The following ITPRID1 variants were observed in gnomAD, a reference collection of about 807,000 sequenced individuals.
ITPRID1 encodes ITPR interacting domain containing 1.
A neutral mutation model predicts 95.4 loss-of-function variants in ITPRID1; 96 were observed. The ratio of observed to expected loss-of-function variants is 1.01; its 90% CI spans 0.85 to 1.19. The LOEUF (loss-of-function observed/expected upper bound fraction) is 1.19, where lower values mean the gene tolerates loss of function less well. Among genes scored for constraint, ITPRID1 ranks in the 50% most tolerant of loss-of-function variants. The pLI is 0.00. For missense variants in ITPRID1, 1,339 were observed against 1,252.9 expected (o/e 1.07, Z -1.04); for synonymous variants, 510 against 453.6 (o/e 1.12, Z -1.58).
In ITPRID1 at chr7:31,554,888, C is replaced by T. The variant is rs767572189; in HGVS notation, c.243C>T (p.Val81=). The change falls in exon 5 of 15, where the codon GTC becomes GTT. Residue 81 remains valine (V), a synonymous_variant. Transcript: ENST00000615280. ...FVSANENFQQ[V]IDRTVSLYEQ... Reference sequence around the variant, plus strand: ...CTGCAAATGAAAACTTTCAACAAGTCATTGACCGCACTGGTAAGACAAGAG... The same window carrying T: ...CTGCAAATGAAAACTTTCAACAAGTTATTGACCGCACTGGTAAGACAAGAG... 11 of 1,582,486 alleles carry T rather than the reference C, an allele frequency of 7.0e-6. No homozygotes were observed. Among genetic ancestry groups the T allele is most frequent in the Non-Finnish European group, 8.6e-6 (10 of 1,161,972 alleles).
intron 12 of ITPRID1, 107 bp from the exon 13 acceptor site, chr7:31,651,035 T>A: frequency 3.1e-6 from 4 of 1,281,760 alleles, no homozygotes; most frequent in Non-Finnish European, 4.3e-6. Flanking sequence ...CAGTAGGGCC[T>A]GTTTGCGAAA....
chr7:31,618,643 ATGTAGAAAC>A (rs377662976), intron 10 of ITPRID1, among the ~76,000 whole-genome samples: 6,341 of 152,252 alleles, frequency 0.042, 380 homozygotes, highest in African/African-American at 0.13. Context: ...TGGGGTCACA[ATGTAGAAAC>A]CCATAATTAT....
chr7:31,638,321 T>C (rs569153098), intron 10 of ITPRID1, among the ~76,000 whole-genome samples: 4 of 152,216 alleles, frequency 2.6e-5, no homozygotes, highest in Non-Finnish European at 5.9e-5. Context: ...ATAGTGAGTA[T>C]ACACTATTTC....
intron 10 of ITPRID1, among the ~76,000 whole-genome samples, chr7:31,614,500 G>T (rs1787026423): frequency 1.3e-5 from 2 of 152,124 alleles, no homozygotes. Context: ...ACAAAAGGCA[G>T]ATATGAGAGA....
chr7:31,538,612 T>A (rs1783834962), intron 1 of ITPRID1, among the ~76,000 whole-genome samples: 1 of 152,236 alleles, frequency 6.6e-6, no homozygotes, highest in Non-Finnish European at 1.5e-5. Flanking sequence ...GGCTAGTTAT[T>A]TTATAAAATG....
In ITPRID1 at chr7:31,652,000, G is replaced by A. The variant is rs1225039594; in HGVS notation, c.2773G>A (p.Glu925Lys). 42 of 1,606,100 alleles carry A rather than the reference G, an allele frequency of 2.6e-5. No individual in the cohort carries two copies. Among genetic ancestry groups the A allele is most frequent in the Non-Finnish European group, 3.6e-5 (42 of 1,176,592 alleles). ...CCTGAGGCAGCAGGTGGCAGAGTTG[G>A]AATTTCAGTTAGGAGACCGGGCTCA... ...EALRQQVAEL[E>K]FQLGDRAQQI... Residue 925 changes from glutamate (E) to lysine (K), a missense_variant, in exon 14 of 15, where the codon GAA (glutamate) becomes AAA (lysine). Transcript: ENST00000615280.
chr7:31,631,446 G>A (rs750974401), intron 10 of ITPRID1, among the ~76,000 whole-genome samples: 1 of 152,150 alleles, frequency 6.6e-6, no homozygotes, highest in Non-Finnish European at 1.5e-5. Context: ...AAAGATTTTA[G>A]TCATTTTCTT....
intron 8 of ITPRID1, among the ~76,000 whole-genome samples, chr7:31,577,310 G>C (rs185896726): frequency 6.6e-6 from 1 of 152,198 alleles, no homozygotes; most frequent in Non-Finnish European, 1.5e-5. Context: ...CTCTAGCACT[G>C]TGTAGCTCTT....
chr7:31,581,513 C>T (rs1188364640), intron 9 of ITPRID1, among the ~76,000 whole-genome samples: 2 of 152,094 alleles, frequency 1.3e-5, no homozygotes, highest in Non-Finnish European at 2.9e-5. Context: ...CTCCTGTTTG[C>T]ATATAAGCAT....
In ITPRID1 at chr7:31,655,641, GCAT is replaced by G; in HGVS notation, c.*2817_*2819del. The stretch of plus-strand genomic sequence containing the variant: ...TATGCGCCTCTCGTCGCCTCCCACT[GCAT>G]CATCCCTTTTTGCCACATCCCCATC... On this transcript the variant is annotated 3_prime_UTR_variant, in exon 15 of 15. Coordinates refer to ENST00000615280, the MANE Select transcript of ITPRID1 (RefSeq NM_001257967.3). The G allele has an allele frequency of 1.5e-6, 1 of 649,938 alleles. No individual in the cohort carries two copies. The highest frequency in any genetic ancestry group is 1.9e-6 in the Non-Finnish European group (1 of 523,232). 40.3% of individuals were successfully genotyped at this position (649,938 alleles called of 1,614,324 possible).
At chr7:31,615,898 G>C (rs2128168054) in intron 10 of ITPRID1, among the ~76,000 whole-genome samples, 1 of 151,794 alleles carries the variant, frequency 6.6e-6, no homozygotes, top group Non-Finnish European at 1.5e-5. Context: ...GGACTACAGG[G>C]GCCTGCCACC....
intron 1 of ITPRID1, among the ~76,000 whole-genome samples, chr7:31,531,615 C>T (rs1214642599): frequency 6.6e-6 from 1 of 152,122 alleles, no homozygotes; most frequent in African/African-American, 2.4e-5. Flanking sequence ...ATGTATTACT[C>T]ACAAGTCCCA....
chr7:31,621,966 T>G (rs576648727), intron 10 of ITPRID1, among the ~76,000 whole-genome samples: 1 of 146,714 alleles, frequency 6.8e-6, no homozygotes, highest in African/African-American at 2.5e-5. Context: ...TAGTCTCTGA[T>G]AAAACAGACT....
At chr7:31,637,594 T>C (rs1343827796) in intron 10 of ITPRID1, among the ~76,000 whole-genome samples, 1 of 152,224 alleles carries the variant, frequency 6.6e-6, no homozygotes, top group Non-Finnish European at 1.5e-5. Flanking sequence ...GTTTGTTTTT[T>C]CTCGTAAATT....
At position 31,544,708 on chromosome 7, in the gene ITPRID1, A is replaced by G. The variant is rs991061516; in HGVS notation, c.-97-4718A>G. 7.2e-5 allele frequency among the ~76,000 whole-genome samples: 11 copies of G among 152,174 alleles called. 1 individual carries two copies. The highest frequency in any genetic ancestry group is 2.7e-4 in the African/African-American group (11 of 41,448). On this transcript the variant is annotated intron_variant, in intron 1 of 14. Coordinates refer to ENST00000615280, the MANE Select transcript of ITPRID1 (RefSeq NM_001257967.3). ...GTAATCTCCTCCAAAGATTGTTTGT[A>G]CACAGTAGACACTCATATATTTAAT...
chr7:31,616,313 G>T (rs980690639), intron 10 of ITPRID1, among the ~76,000 whole-genome samples: 1 of 151,926 alleles, frequency 6.6e-6, no homozygotes. Context: ...TCCCTTCAGG[G>T]TCTAGTAGTG....
At position 31,518,979 on chromosome 7, in the gene ITPRID1, A is replaced by C. The variant is rs111697406; in HGVS notation, c.-98+4859A>C. 4.7e-3 allele frequency among the ~76,000 whole-genome samples: 717 copies of C among 152,262 alleles called. 4 individuals carry two copies. Among genetic ancestry groups the C allele is most frequent in the African/African-American group, 0.015 (626 of 41,546 alleles). On this transcript the variant is annotated intron_variant, in intron 1 of 14. Coordinates refer to ENST00000615280, the MANE Select transcript of ITPRID1 (RefSeq NM_001257967.3). ...TATTTTGTGACGTTTTCCCTAATTC[A>C]TTGTAACAGGCAAAGAACCTTGAAT...
intron 5 of ITPRID1, among the ~76,000 whole-genome samples, chr7:31,556,330 G>T (rs1784444814): frequency 6.6e-6 from 1 of 152,094 alleles, no homozygotes; most frequent in Non-Finnish European, 1.5e-5. Flanking sequence ...ACGTTTAACT[G>T]AGCCTTCGCT....
chr7:31,652,459 A>C lies in ITPRID1; in HGVS notation c.2824-59A>C, dbSNP rs138607836. The C allele has an allele frequency of 1.3e-4, 190 of 1,511,430 alleles. 1 individual carries two copies. The African/African-American group carries it at 2.3e-3, about 19-fold the overall frequency. 93.6% of individuals were successfully genotyped at this position (1,511,430 alleles called of 1,614,324 possible). ...AATGCCTAGCTCACAAGTTTGAGTAAGCTGTTTGGTGCCAATGTGATGTGC... is the reference window on the plus strand; with the variant it reads ...AATGCCTAGCTCACAAGTTTGAGTACGCTGTTTGGTGCCAATGTGATGTGC... On this transcript the variant is annotated intron_variant, in intron 14 of 14. Coordinates refer to ENST00000615280, the MANE Select transcript of ITPRID1 (RefSeq NM_001257967.3).
Sources: gnomAD v4.1 joint callset for allele counts (sites outside exome capture counted in the v4.1 genomes callset) on GRCh38, gnomAD v4.1.1 for gene constraint, MANE v1.5 for transcripts, NCBI Gene and HGNC (gene_info 2026-07-23, HGNC 2026-07-21) for gene names.